RCAN2: variants seen among roughly 807,000 people sequenced by gnomAD.
RCAN2 encodes the protein calcipressin-2.
Under a neutral mutation model 23.6 loss-of-function variants are expected in RCAN2, and 9 were observed. The observed-to-expected ratio is 0.38, with a 90% CI of 0.23 to 0.67. RCAN2 has a LOEUF of 0.67. Ranked by LOEUF, RCAN2 falls within the 30% of genes least tolerant of loss-of-function variation. The pLI is 0.51. For synonymous variants in RCAN2, 109 were observed against 115.7 expected (o/e 0.94, Z 0.37); for missense variants, 273 against 302.3 (o/e 0.90, Z 0.72).
chr6:46,409,633 T>C (rs1292395158), intron 2 of RCAN2, among the ~76,000 whole-genome samples: 1 of 152,236 alleles, frequency 6.6e-6, no homozygotes. Flanking sequence ...TAGTTCATTA[T>C]GTACATTATG....
chr6:46,311,705 C>A (rs1390645811), intron 2 of RCAN2, among the ~76,000 whole-genome samples: 2 of 152,220 alleles, frequency 1.3e-5, no homozygotes, highest in Admixed American at 6.5e-5. Context: ...GAAATCTTGA[C>A]AAACTTCTCC....
At chr6:46,405,802 G>A (rs1327931919) in intron 2 of RCAN2, among the ~76,000 whole-genome samples, 5 of 152,236 alleles carry the variant, frequency 3.3e-5, no homozygotes, top group South Asian at 4.1e-4. Context: ...GGGACTGGGC[G>A]CCGTGGAGCA....
chr6:46,490,365 A>T (rs1415772130), intron 1 of RCAN2, among the ~76,000 whole-genome samples: 1 of 152,240 alleles, frequency 6.6e-6, no homozygotes, highest in African/African-American at 2.4e-5. Context: ...TCCCATTGTA[A>T]GAAACAGGAA....
At chr6:46,361,483 T>C (rs1264183291) in intron 2 of RCAN2, among the ~76,000 whole-genome samples, 1 of 152,214 alleles carries the variant, frequency 6.6e-6, no homozygotes, top group Non-Finnish European at 1.5e-5. Context: ...AACAACAGAT[T>C]GGACAACCTA....
At chr6:46,281,235 A>C (rs1477440888) in intron 2 of RCAN2, among the ~76,000 whole-genome samples, 1 of 152,214 alleles carries the variant, frequency 6.6e-6, no homozygotes, top group Non-Finnish European at 1.5e-5. Flanking sequence ...CCCTGGACAT[A>C]TGTCCAGTTT....
chr6:46,262,109 TGA>T (rs1423077033), intron 2 of RCAN2, among the ~76,000 whole-genome samples: 2 of 152,140 alleles, frequency 1.3e-5, no homozygotes, highest in Non-Finnish European at 2.9e-5. Context: ...ATTGTTTTGC[TGA>T]GATTTCCAAT....
intron 1 of RCAN2, among the ~76,000 whole-genome samples, chr6:46,489,465 G>A (rs931441354): frequency 3.9e-5 from 6 of 152,330 alleles, no homozygotes; most frequent in East Asian, 3.9e-4. Flanking sequence ...GCTACAGAAC[G>A]TAAAATAGGA....
At chr6:46,465,373 A>T (rs1386230485) in intron 1 of RCAN2, among the ~76,000 whole-genome samples, 1 of 152,250 alleles carries the variant, frequency 6.6e-6, no homozygotes, top group Non-Finnish European at 1.5e-5. Flanking sequence ...GGAAACAGAC[A>T]GCATGTTCAA....
At chr6:46,399,958 C>T (rs1195492394) in intron 2 of RCAN2, among the ~76,000 whole-genome samples, 1 of 152,214 alleles carries the variant, frequency 6.6e-6, no homozygotes, top group South Asian at 2.1e-4. Flanking sequence ...AACTTTCCTG[C>T]ACACAAAATC....
At position 46,491,400 on chromosome 6, in the gene RCAN2, C is replaced by G. The variant is rs1769146913; in HGVS notation, c.-230G>C. ...GGGTCAGTGGGATTCTGCCTGCTGCCCGCTCCTCCCCGCAACCTCCGCCGC... is the reference window on the plus strand; with the variant it reads ...GGGTCAGTGGGATTCTGCCTGCTGCGCGCTCCTCCCCGCAACCTCCGCCGC... On this transcript the variant is annotated 5_prime_UTR_variant, in exon 1 of 5. Transcript: ENST00000371374. 1 of 152,340 alleles carries G rather than the reference C, an allele frequency of 6.6e-6. No individual in the cohort carries two copies. Among genetic ancestry groups the G allele is most frequent in the Non-Finnish European group, 1.5e-5 (1 of 68,256 alleles). The allele number at this position is 152,340 out of a possible 1,614,324, so 9.4% of individuals were successfully genotyped here.
intron 2 of RCAN2, among the ~76,000 whole-genome samples, chr6:46,447,943 A>G (rs1486277990): frequency 2.0e-5 from 3 of 151,780 alleles, no homozygotes; most frequent in South Asian, 4.1e-4. Flanking sequence ...ATTAAAAAGA[A>G]AAGAACAAAC....
chr6:46,469,912 G>A (rs1049105756), intron 1 of RCAN2, among the ~76,000 whole-genome samples: 2 of 152,124 alleles, frequency 1.3e-5, no homozygotes, highest in African/African-American at 4.8e-5. Context: ...TTCCTCCCTT[G>A]TGGAGGATAC....
intron 2 of RCAN2, among the ~76,000 whole-genome samples, chr6:46,249,676 T>G (rs974291926): frequency 6.6e-6 from 1 of 152,142 alleles, no homozygotes; most frequent in African/African-American, 2.4e-5. Context: ...CCATCCAGTT[T>G]CCTAGTCAGG....
At position 46,276,063 on chromosome 6, in the gene RCAN2, A is replaced by C. The variant is rs563343945; in HGVS notation, c.226-27167T>G. ...TCTACTAAAACTACAAAAATTAGCC[A>C]GGCATGGTGGTGTGCACCTGTAGTG... On this transcript the variant is annotated intron_variant, in intron 2 of 4. Coordinates refer to ENST00000371374, the MANE Select transcript of RCAN2 (RefSeq NM_001251974.2). Among the ~76,000 whole-genome samples the C allele has an allele frequency of 1.1e-4, 17 of 152,204 alleles. No individual in the cohort carries two copies. The South Asian group carries it at 3.5e-3, about 32-fold the overall frequency.
intron 2 of RCAN2, among the ~76,000 whole-genome samples, chr6:46,272,925 A>C (rs532879226): frequency 6.6e-6 from 1 of 152,144 alleles, no homozygotes. Context: ...AATAAGTTCC[A>C]TGTTCACCGT....
intron 2 of RCAN2, among the ~76,000 whole-genome samples, chr6:46,337,450 A>G (rs544757870): frequency 6.6e-6 from 1 of 152,360 alleles, no homozygotes; most frequent in East Asian, 1.9e-4. Flanking sequence ...AGGTGTAAAC[A>G]TGTGAAAGTA....
intron 2 of RCAN2, among the ~76,000 whole-genome samples, chr6:46,413,525 T>C (rs1762439563): frequency 6.6e-6 from 1 of 152,218 alleles, no homozygotes; most frequent in African/African-American, 2.4e-5. Context: ...GGAACAACAG[T>C]ATAAATGCAA....
At chr6:46,406,729 T>A (rs1272162421) in intron 2 of RCAN2, among the ~76,000 whole-genome samples, 2 of 152,272 alleles carry the variant, frequency 1.3e-5, no homozygotes, top group East Asian at 3.8e-4. Context: ...TATGTACTTA[T>A]AGAGGCTACT....
intron 2 of RCAN2, among the ~76,000 whole-genome samples, chr6:46,355,522 T>G (rs2150380460): frequency 6.6e-6 from 1 of 152,298 alleles, no homozygotes; most frequent in African/African-American, 2.4e-5. Flanking sequence ...GTTCTCCCTC[T>G]AGGAGGTCAT....
Sources: gnomAD v4.1 joint callset for allele counts (sites outside exome capture counted in the v4.1 genomes callset) on GRCh38, gnomAD v4.1.1 for gene constraint, MANE v1.5 for transcripts, NCBI Gene and HGNC (gene_info 2026-07-23, HGNC 2026-07-21) for gene names.